The following AIG1 variants were observed in gnomAD, a reference collection of about 807,000 sequenced individuals.
The protein encoded by AIG1 is androgen-induced gene 1 protein.
A neutral mutation model predicts 31.4 loss-of-function variants in AIG1; 23 were observed. That is an observed-to-expected ratio of 0.73 (90% confidence interval 0.53 to 1.04). AIG1 has a LOEUF of 1.04. Ranked by LOEUF, AIG1 falls within the 50% of genes least tolerant of loss-of-function variation. The pLI is 0.00. For synonymous variants in AIG1, 100 were observed against 110.5 expected, an observed-to-expected ratio of 0.90 and a Z score of 0.60; for missense variants, 274 against 295.0, an observed-to-expected ratio of 0.93 and a Z score of 0.52.
At chr6:143,187,202 G>C (rs1054109768) in intron 3 of AIG1, among the ~76,000 whole-genome samples, 1 of 152,034 alleles carries the variant, frequency 6.6e-6, no homozygotes, top group African/African-American at 2.4e-5. Flanking sequence ...CTTATCCTTG[G>C]ACAAAGAATT....
intron 3 of AIG1, among the ~76,000 whole-genome samples, chr6:143,216,521 T>C (rs1168482964): frequency 1.3e-5 from 2 of 152,222 alleles, no homozygotes; most frequent in Non-Finnish European, 2.9e-5. Flanking sequence ...TTGTACAAGC[T>C]GAATTGATGT....
chr6:143,173,419 C>T (rs530276384), intron 3 of AIG1, among the ~76,000 whole-genome samples: 12 of 152,198 alleles, frequency 7.9e-5, no homozygotes, highest in South Asian at 6.2e-4. Context: ...TTCTTTTCTT[C>T]GGTTGGGTTT....
At chr6:143,131,454 T>G (rs1462084288) in intron 1 of AIG1, among the ~76,000 whole-genome samples, 1 of 152,210 alleles carries the variant, frequency 6.6e-6, no homozygotes, top group Non-Finnish European at 1.5e-5. Context: ...TGGGCTTGAT[T>G]ATATCACATG....
At position 143,284,274 on chromosome 6, in the gene AIG1, G is replaced by GCAAAAT; in HGVS notation, c.515+50_515+51insAAAATC. The GCAAAAT allele has an allele frequency of 1.5e-6, 2 of 1,368,950 alleles. No individual in the cohort carries two copies. The highest frequency in any genetic ancestry group is 2.1e-6 in the Non-Finnish European group (2 of 971,400). 84.8% of individuals were successfully genotyped at this position (1,368,950 alleles called of 1,614,324 possible). A position where few individuals can be genotyped will look rare whatever the true frequency, so the allele number is the denominator to read the frequency against. The stretch of plus-strand genomic sequence containing the variant: ...TTCTTATTGTATTAGATTTTGCACT[G>GCAAAAT]CTAAATTTGGGCACATATTTCATTA... On this transcript the variant is annotated intron_variant, in intron 4 of 5. Transcript: ENST00000357847. This position sits in a 1 kb window ranked among gnomAD's most constrained non-coding sequence, Gnocchi z 4.4.
intron 3 of AIG1, among the ~76,000 whole-genome samples, chr6:143,232,148 G>C (rs186303048): frequency 1.3e-5 from 2 of 152,312 alleles, no homozygotes; most frequent in East Asian, 3.9e-4. Flanking sequence ...TGCAAAGAAA[G>C]TTGGAGGTAT....
At chr6:143,130,582 G>T (rs1247421914) in intron 1 of AIG1, among the ~76,000 whole-genome samples, 1 of 152,010 alleles carries the variant, frequency 6.6e-6, no homozygotes, top group Non-Finnish European at 1.5e-5. Context: ...AGCTGGGTGT[G>T]GTGGTGCGTG....
chr6:143,311,096 G>C lies in AIG1; in HGVS notation c.516-22186G>C, dbSNP rs188933946. 1.6e-4 allele frequency among the ~76,000 whole-genome samples: 25 copies of C among 152,008 alleles called. No individual in the cohort carries two copies. The East Asian group carries it at 1.9e-3, about 12-fold the overall frequency. On this transcript the variant is annotated intron_variant, in intron 4 of 5. Transcript: ENST00000357847. ...GGGAATACCTCCTAACTCATTCTCT[G>C]AGGCCAGCATTGCCTTAATACCAAA...
chr6:143,340,619 C>T lies in AIG1; in HGVS notation c.*943C>T, dbSNP rs1412478707. Among the ~76,000 whole-genome samples, 3 of 151,984 alleles carry T rather than the reference C, an allele frequency of 2.0e-5. No individual in the cohort carries two copies. The highest frequency in any genetic ancestry group is 2.1e-4 in the South Asian group (1 of 4,824). The stretch of plus-strand genomic sequence containing the variant: ...GCTGGGACTACAGGCGCCTGCCACA[C>T]GCCCGGCTTATTTTTTGTATTTTTA... On this transcript the variant is annotated 3_prime_UTR_variant, in exon 6 of 6. Coordinates refer to ENST00000357847, the MANE Select transcript of AIG1 (RefSeq NM_016108.4).
intron 1 of AIG1, among the ~76,000 whole-genome samples, chr6:143,093,006 C>T (rs1039955798): frequency 6.6e-6 from 1 of 152,170 alleles, no homozygotes; most frequent in Admixed American, 6.5e-5. Context: ...GCTGTGATTG[C>T]ACCACTGCAC....
intron 3 of AIG1, among the ~76,000 whole-genome samples, chr6:143,263,668 A>G (rs1720000370): frequency 6.6e-6 from 1 of 152,348 alleles, no homozygotes; most frequent in Admixed American, 6.5e-5. Context: ...TGTAATATTT[A>G]TGAAACTAAA....
chr6:143,241,307 G>C (rs1050916357), intron 3 of AIG1, among the ~76,000 whole-genome samples: 1 of 152,166 alleles, frequency 6.6e-6, no homozygotes. Context: ...CCCTGACCCT[G>C]GTGAGCAAGA....
At chr6:143,253,828 T>C (rs996900279) in intron 3 of AIG1, among the ~76,000 whole-genome samples, 3 of 152,226 alleles carry the variant, frequency 2.0e-5, no homozygotes, top group Non-Finnish European at 2.9e-5. Context: ...TTACTGGTCT[T>C]GGTTTGTTTA....
chr6:143,095,262 T>C lies in AIG1; in HGVS notation c.141+34196T>C, dbSNP rs1779648957. On this transcript the variant is annotated intron_variant, in intron 1 of 5. Transcript: ENST00000357847. ...TTGATTATTCCTGAATAATAAACTA[T>C]AGTAATTAGAAAAAAATAATAAAAC... is the stretch of plus-strand genomic sequence containing the variant. 3.3e-5 allele frequency among the ~76,000 whole-genome samples: 5 copies of C among 152,032 alleles called. No homozygotes were observed. The South Asian group carries it at 1.0e-3, about 32-fold the overall frequency.
At position 143,334,762 on chromosome 6, in the gene AIG1, A is replaced by C. The variant is rs1326221200; in HGVS notation, c.679+1317A>C. 6.6e-6 allele frequency among the ~76,000 whole-genome samples: 1 copy of C among 152,308 alleles called. No homozygotes were observed. The highest frequency in any genetic ancestry group is 1.9e-4 in the East Asian group (1 of 5,180). On this transcript the variant is annotated intron_variant, in intron 5 of 5. Coordinates refer to ENST00000357847, the MANE Select transcript of AIG1 (RefSeq NM_016108.4). The surrounding 1 kb of genome is among the most constrained non-coding windows in gnomAD (Gnocchi z 5.1). The stretch of plus-strand genomic sequence containing the variant: ...AAAAACTGTATTTAAACTTAAACGA[A>C]TGTGTCCAATATATGTTATTCAGGA...
intron 2 of AIG1, among the ~76,000 whole-genome samples, chr6:143,158,921 A>G (rs115236726): frequency 2.0e-3 from 299 of 152,370 alleles, no homozygotes; most frequent in African/African-American, 7.0e-3. Context: ...GCAGTGGGGA[A>G]CCAGTAATGA....
At chr6:143,335,648 T>TA (rs1176181810) in intron 5 of AIG1, 1 of 152,160 alleles carries the variant, frequency 6.6e-6, no homozygotes, top group East Asian at 1.9e-4. Flanking sequence ...GACAATGGTT[T>TA]AGAATAGAGT....
At chr6:143,079,531 A>G (rs9386021) in intron 1 of AIG1, among the ~76,000 whole-genome samples, 37,234 of 152,082 alleles carry the variant, frequency 0.24, 9,493 homozygotes, top group African/African-American at 0.63. Flanking sequence ...GTTGTAATCA[A>G]TGGGATTGAT....
At chr6:143,098,341 G>A (rs929762794) in intron 1 of AIG1, among the ~76,000 whole-genome samples, 13 of 152,098 alleles carry the variant, frequency 8.5e-5, no homozygotes, top group Admixed American at 1.3e-4. Context: ...TCTTTTTCTT[G>A]AAGGATTTTC....
chr6:143,334,929 A>G lies in AIG1; in HGVS notation c.679+1484A>G. 1 of 523,566 alleles carries G rather than the reference A, an allele frequency of 1.9e-6. No individual in the cohort carries two copies. Among genetic ancestry groups the G allele is most frequent in the Non-Finnish European group, 3.2e-6 (1 of 316,854 alleles). 32.4% of individuals were successfully genotyped at this position (523,566 alleles called of 1,614,324 possible). A position where few individuals can be genotyped will look rare whatever the true frequency, so the allele number is the denominator to read the frequency against. On this transcript the variant is annotated intron_variant, in intron 5 of 5. Transcript: ENST00000357847. This position sits in a 1 kb window ranked among gnomAD's most constrained non-coding sequence, Gnocchi z 5.1. ...CATTAATAGAATACTGCTTTTTAGC[A>G]GCTTTGAATGAGGAGTTAAAAATGA...
Sources: allele counts gnomAD v4.1 joint callset (sites outside exome capture counted in the v4.1 genomes callset), GRCh38; gene constraint gnomAD v4.1.1; non-coding constraint Gnocchi (gnomAD v3.1); transcripts MANE v1.5; gene names NCBI Gene and HGNC (gene_info 2026-07-23, HGNC 2026-07-21).